Variants in MCPH1 observed in about 807,000 individuals in gnomAD.
The protein encoded by MCPH1 is microcephalin.
A neutral mutation model predicts 84.5 loss-of-function variants in MCPH1; 104 were observed. That is an observed-to-expected ratio of 1.23 (90% CI 1.05 to 1.45). The LOEUF is 1.45. Ranked by LOEUF, MCPH1 falls within the 40% of genes most tolerant of loss-of-function variation. The probability of loss-of-function intolerance (pLI) is 0.00; values close to 1 mark genes in which losing one functional copy is unlikely to be tolerated. For missense variants in MCPH1, 1,498 were observed against 1,005.7 expected, an observed-to-expected ratio of 1.49 and a Z score of -6.62; for synonymous variants, 514 against 366.8, an observed-to-expected ratio of 1.40 and a Z score of -4.58.
At chr8:6,567,383 G>A (rs1826285997) in intron 12 of MCPH1, among the ~76,000 whole-genome samples, 1 of 152,200 alleles carries the variant, frequency 6.6e-6, no homozygotes, top group Non-Finnish European at 1.5e-5. Flanking sequence ...GCCATGGATA[G>A]TGCACACGGT....
intron 12 of MCPH1, among the ~76,000 whole-genome samples, chr8:6,544,513 CT>C (rs1822188466): frequency 6.6e-6 from 1 of 152,140 alleles, no homozygotes; most frequent in African/African-American, 2.4e-5. Context: ...AAAATACCAG[CT>C]CTAGGGATGT....
intron 12 of MCPH1, among the ~76,000 whole-genome samples, chr8:6,589,282 C>T (rs1586726759): frequency 6.9e-6 from 1 of 145,538 alleles, no homozygotes; most frequent in East Asian, 2.1e-4. Flanking sequence ...ATGACTGATA[C>T]CTTAATTTAT....
In MCPH1 at chr8:6,560,925, C is replaced by A. The variant is rs556381311; in HGVS notation, c.2215-60529C>A. On this transcript the variant is annotated intron_variant, in intron 12 of 13. Transcript: ENST00000344683. ...ATTCTTTTATGTTTCCTGGCTGTTTCTTCGAGGAGATGACCTGCCTGTCGG... is the reference window on the plus strand; with the variant it reads ...ATTCTTTTATGTTTCCTGGCTGTTTATTCGAGGAGATGACCTGCCTGTCGG... Among the ~76,000 whole-genome samples, 10 of 152,322 alleles carry A rather than the reference C, an allele frequency of 6.6e-5. No homozygotes were observed. In the East Asian group the frequency reaches 1.9e-3, roughly 29 times the overall value.
At position 6,631,199 on chromosome 8, in the gene MCPH1, CTAGCTGATTCA is replaced by C. The variant is rs1430482497; in HGVS notation, c.2452+9511_2452+9521del. ...CAGACCAGACATGATCTGTTCTAGT[CTAGCTGATTCA>C]TACCTGAAGGATTGATCCTCATCTC... On this transcript the variant is annotated intron_variant, in intron 13 of 13. Transcript: ENST00000344683. Among the ~76,000 whole-genome samples the C allele has an allele frequency of 2.4e-4, 36 of 152,340 alleles. No individual in the cohort carries two copies. In the East Asian group the frequency reaches 3.5e-3, roughly 15 times the overall value.
chr8:6,453,353 T>C (rs1805301691), intron 8 of MCPH1, among the ~76,000 whole-genome samples: 1 of 152,122 alleles, frequency 6.6e-6, no homozygotes, highest in African/African-American at 2.4e-5. Context: ...ATTTTTTGAC[T>C]TCAGGATTTG....
intron 12 of MCPH1, among the ~76,000 whole-genome samples, chr8:6,518,194 G>C (rs1456491550): frequency 6.6e-6 from 1 of 152,176 alleles, no homozygotes; most frequent in Non-Finnish European, 1.5e-5. Context: ...CTGCATCGGT[G>C]TCCATGGCAT....
intron 12 of MCPH1, among the ~76,000 whole-genome samples, chr8:6,613,376 C>G (rs1464023329): frequency 1.3e-5 from 2 of 152,172 alleles, no homozygotes; most frequent in Non-Finnish European, 2.9e-5. Flanking sequence ...TGCAGAGAAG[C>G]TCGGCATCTG....
At chr8:6,491,936 C>T (rs996588908) in intron 11 of MCPH1, among the ~76,000 whole-genome samples, 1 of 152,250 alleles carries the variant, frequency 6.6e-6, no homozygotes, top group Non-Finnish European at 1.5e-5. Context: ...ACAGTAAACA[C>T]ACGTGTGCAT....
rs71525748 is a variant in MCPH1, at chr8:6,644,136, G to C, written c.*1087G>C. ...GTGGTGGCACACACCTGTGGTCCCAGCTCCTCAGGAGTCTGAGGCAGAAGA... is the reference window on the plus strand; with the variant it reads ...GTGGTGGCACACACCTGTGGTCCCACCTCCTCAGGAGTCTGAGGCAGAAGA... On this transcript the variant is annotated 3_prime_UTR_variant, in exon 14 of 14. Coordinates refer to ENST00000344683, the MANE Select transcript of MCPH1 (RefSeq NM_024596.5). The C allele has an allele frequency of 0.03, 4,628 of 152,348 alleles. 124 individuals carry two copies. The highest frequency in any genetic ancestry group is 0.13 in the East Asian group (680 of 5,186). The allele number at this position is 152,348 out of a possible 1,614,324, so 9.4% of individuals were successfully genotyped here.
At chr8:6,562,859 T>C (rs1586642203) in intron 12 of MCPH1, 1 of 1,613,134 alleles carries the variant, frequency 6.2e-7, no homozygotes, top group Non-Finnish European at 8.5e-7. Flanking sequence ...ATGCTGTCCA[T>C]GCTCTTCCGA....
intron 12 of MCPH1, among the ~76,000 whole-genome samples, chr8:6,512,526 C>T (rs3020214): frequency 2.0e-5 from 3 of 151,990 alleles, no homozygotes; most frequent in Admixed American, 6.6e-5. Flanking sequence ...CGAGGCGCCA[C>T]CAGTCTGTGC....
chr8:6,513,832 G>C, intron 12 of MCPH1: 1 of 1,605,496 alleles, frequency 6.2e-7, no homozygotes, highest in Middle Eastern at 1.7e-4. Context: ...TCTCCTGAAG[G>C]GTTACCAAAT....
chr8:6,496,419 C>T (rs113869758), intron 11 of MCPH1, among the ~76,000 whole-genome samples: 7 of 152,168 alleles, frequency 4.6e-5, no homozygotes, highest in East Asian at 1.9e-4. Flanking sequence ...TGTGTGGCCC[C>T]GTTCCTAATA....
intron 9 of MCPH1, among the ~76,000 whole-genome samples, chr8:6,471,329 G>C (rs1020564986): frequency 6.6e-6 from 1 of 152,144 alleles, no homozygotes; most frequent in African/African-American, 2.4e-5. Context: ...ACTGTTTTTA[G>C]TTATGTCCTG....
chr8:6,496,388 C>T (rs1363759151), intron 11 of MCPH1, among the ~76,000 whole-genome samples: 4 of 152,160 alleles, frequency 2.6e-5, no homozygotes, highest in Admixed American at 6.5e-5. Flanking sequence ...TTCACTGGTT[C>T]ACCCACCACT....
At chr8:6,556,060 G>T (rs144150168) in intron 12 of MCPH1, among the ~76,000 whole-genome samples, 1 of 152,154 alleles carries the variant, frequency 6.6e-6, no homozygotes, top group Non-Finnish European at 1.5e-5. Flanking sequence ...CCCTGCACTC[G>T]TCTCAAGATC....
At chr8:6,619,584 C>G (rs945525441) in intron 12 of MCPH1, among the ~76,000 whole-genome samples, 1 of 151,978 alleles carries the variant, frequency 6.6e-6, no homozygotes, top group African/African-American at 2.4e-5. Flanking sequence ...AGCCACTGCG[C>G]CCAGCCTTTT....
chr8:6,418,494 T>A (rs568571036), intron 3 of MCPH1, among the ~76,000 whole-genome samples: 1 of 152,234 alleles, frequency 6.6e-6, no homozygotes, highest in Non-Finnish European at 1.5e-5. Context: ...GAACTTAGTA[T>A]GTTATTTTTG....
At chr8:6,562,319 G>C (rs1183852224) in intron 12 of MCPH1, among the ~76,000 whole-genome samples, 2 of 152,040 alleles carry the variant, frequency 1.3e-5, no homozygotes, top group African/African-American at 4.8e-5. Flanking sequence ...GAGCTTAAAC[G>C]ATGTAAACAA....
Sources: allele counts gnomAD v4.1 joint callset (sites outside exome capture counted in the v4.1 genomes callset), GRCh38; gene constraint gnomAD v4.1.1; transcripts MANE v1.5; gene names NCBI Gene and HGNC (gene_info 2026-07-23, HGNC 2026-07-21).